The following NOP9 variants were observed in gnomAD, a reference collection of about 807,000 sequenced individuals.
NOP9 encodes nucleolar protein 9.
Under a neutral mutation model 63.0 loss-of-function variants are expected in NOP9, and 50 were observed. The observed-to-expected ratio is 0.79, with a 90% CI of 0.63 to 1.00. The LOEUF (loss-of-function observed/expected upper bound fraction) is 1.00, where lower values mean the gene tolerates loss of function less well. NOP9 is among the 50% of genes least tolerant of loss of function. NOP9 has a pLI of 0.00. For synonymous variants in NOP9, 343 were observed against 332.8 expected (o/e 1.03, Z -0.33); for missense variants, 758 against 803.0 (o/e 0.94, Z 0.68).
the NOP9 span, chr14:24,292,360 C>T: frequency 1.2e-6 from 2 of 1,612,324 alleles, no homozygotes; most frequent in Non-Finnish European, 1.7e-6. Flanking sequence ...AGGGTAAGAG[C>T]CACCTAGCCA....
At chr14:24,297,374 G>T (rs2041268248), upstream of NOP9, among the ~76,000 whole-genome samples, 4 of 152,172 alleles carry the variant, frequency 2.6e-5, no homozygotes, top group Admixed American at 2.0e-4. Context: ...AGCCATGAAT[G>T]ATTTCTACTT....
At chr14:24,291,149 C>T in the NOP9 span, 3 of 1,614,148 alleles carry the variant, frequency 1.9e-6, no homozygotes, top group Non-Finnish European at 2.5e-6. Context: ...CGTCCACATC[C>T]CGAAGGCCAT....
At chr14:24,285,149 G>GAGTT in the NOP9 span, among the ~76,000 whole-genome samples, 1 of 152,174 alleles carries the variant, frequency 6.6e-6, no homozygotes, top group Non-Finnish European at 1.5e-5. Context: ...CACAACCCTT[G>GAGTT]GGCAGTTGTT....
At chr14:24,279,520 C>T in the NOP9 span, among the ~76,000 whole-genome samples, 1 of 152,182 alleles carries the variant, frequency 6.6e-6, no homozygotes, top group African/African-American at 2.4e-5. Context: ...GAGGGAAAGT[C>T]CCCACAAGAG....
chr14:24,290,750 C>T, the NOP9 span: 1 of 1,423,578 alleles, frequency 7.0e-7, no homozygotes, highest in Non-Finnish European at 9.7e-7. Flanking sequence ...GGCTTCTCTT[C>T]ATATCAAGGG....
upstream of NOP9, among the ~76,000 whole-genome samples, chr14:24,295,435 C>G (rs2041233090): frequency 6.6e-6 from 1 of 152,096 alleles, no homozygotes; most frequent in South Asian, 2.1e-4. Flanking sequence ...AAAGTGCAGC[C>G]CAAGGTAATA....
upstream of NOP9, among the ~76,000 whole-genome samples, chr14:24,297,339 G>T (rs1338979759): frequency 1.3e-5 from 2 of 152,082 alleles, no homozygotes; most frequent in African/African-American, 4.8e-5. Context: ...GCTCCTGGTT[G>T]GTAATTGAAA....
chr14:24,296,580 C>A (rs754850456), upstream of NOP9: 1 of 1,613,946 alleles, frequency 6.2e-7, no homozygotes. Flanking sequence ...TCCTGGTGTT[C>A]AGGATCGTCT....
the NOP9 span, chr14:24,291,392 C>A: frequency 9.7e-7 from 1 of 1,032,882 alleles, no homozygotes; most frequent in Non-Finnish European, 1.5e-6. Flanking sequence ...GCTCCTAAGG[C>A]TCTCAGACCT....
intron 1 of NOP9, 46 bp downstream of exon 1, chr14:24,300,247 G>T (rs1204651452): frequency 6.2e-7 from 1 of 1,600,488 alleles, no homozygotes; most frequent in Non-Finnish European, 8.5e-7. Flanking sequence ...CAAATCCAGG[G>T]CAGGCAAGGA....
chr14:24,290,379 G>A, the NOP9 span, among the ~76,000 whole-genome samples: 1 of 152,352 alleles, frequency 6.6e-6, no homozygotes, highest in Middle Eastern at 3.4e-3. Flanking sequence ...GAAAACCAGT[G>A]TGAGACTGGA....
chr14:24,301,114 A>C (rs540791407), intron 2 of NOP9, among the ~76,000 whole-genome samples: 5 of 152,266 alleles, frequency 3.3e-5, no homozygotes, highest in African/African-American at 1.2e-4. Context: ...GCATGACTTA[A>C]TATACAAATG....
At chr14:24,275,439 T>C in the NOP9 span, among the ~76,000 whole-genome samples, 1 of 152,228 alleles carries the variant, frequency 6.6e-6, no homozygotes, top group Non-Finnish European at 1.5e-5. Context: ...AGATTCAGAA[T>C]TGAGTCGGCT....
At chr14:24,296,669 G>T, upstream of NOP9, 1 of 1,613,584 alleles carries the variant, frequency 6.2e-7, no homozygotes, top group Non-Finnish European at 8.5e-7. Context: ...ACAATGAGTG[G>T]GGATGAAGAT....
Position 24,305,933 on chromosome 14 carries a change from T to C in NOP9, c.*838T>C. ...CTGTAGGGGATGGGGCAGTATGACATGTTGATTTCTGACCTGAGTACTTTC... is the reference window on the plus strand; with the variant it reads ...CTGTAGGGGATGGGGCAGTATGACACGTTGATTTCTGACCTGAGTACTTTC... On this transcript the variant is annotated 3_prime_UTR_variant, in exon 10 of 10. Transcript: ENST00000267425. The C allele has an allele frequency of 1.2e-6, 2 of 1,610,172 alleles. No individual in the cohort carries two copies. The highest frequency in any genetic ancestry group is 1.7e-6 in the Non-Finnish European group (2 of 1,177,578).
rs1594619553 is a variant in NOP9 at position 24,302,108 on chromosome 14, T to G, written c.950+2T>G. The G allele has an allele frequency of 1.2e-6, 2 of 1,612,936 alleles. No homozygotes were observed. Among genetic ancestry groups the G allele is most frequent in the East Asian group, 2.2e-5 (1 of 44,860 alleles). On this transcript the variant is annotated splice_donor_variant, in intron 4 of 9. Transcript: ENST00000267425. LOFTEE classifies it high-confidence loss of function. ...TCGCGGTTCCTCAGTAGATGGCAGGTATGGTCAGGGCCTCAGGATCGACCC... is the reference window on the plus strand; with the variant it reads ...TCGCGGTTCCTCAGTAGATGGCAGGGATGGTCAGGGCCTCAGGATCGACCC...
chr14:24,292,671 T>C, the NOP9 span: 16 of 1,614,006 alleles, frequency 9.9e-6, no homozygotes, highest in South Asian at 6.6e-5. Context: ...GCCCACACCA[T>C]AGGGGACATT....
At chr14:24,293,276 G>C in the NOP9 span, 1 of 153,530 alleles carries the variant, frequency 6.5e-6, no homozygotes, top group Non-Finnish European at 1.4e-5. Context: ...AAGAATAAAC[G>C]TGAGAACAGC....
Position 24,307,947 on chromosome 14 carries a change from C to G in NOP9, c.*2852C>G. ...TTTAGTGGTGTTTTCTGTTACAAAC[C>G]TGGGATCTCAGCCCAGGACAAGGTG... On this transcript the variant is annotated 3_prime_UTR_variant, in exon 10 of 10. Transcript: ENST00000267425. The G allele has an allele frequency of 8.2e-7, 1 of 1,226,312 alleles. No homozygotes were observed. Among genetic ancestry groups the G allele is most frequent in the Non-Finnish European group, 1.2e-6 (1 of 851,262 alleles). The allele number at this position is 1,226,312 out of a possible 1,614,324, so 76.0% of individuals were successfully genotyped here. A position where few individuals can be genotyped will look rare whatever the true frequency, so the allele number is the denominator to read the frequency against.
Sources: allele counts gnomAD v4.1 joint callset (sites outside exome capture counted in the v4.1 genomes callset), GRCh38; gene constraint gnomAD v4.1.1; transcripts MANE v1.5; gene names NCBI Gene and HGNC (gene_info 2026-07-23, HGNC 2026-07-21).